The following CARF variants were observed in gnomAD, a reference collection of about 807,000 sequenced individuals.
CARF encodes calcium responsive transcription factor.
In CARF, 57 loss-of-function variants were observed where a neutral mutation model predicts 82.0. That is an observed-to-expected ratio of 0.70 (90% confidence interval 0.56 to 0.87). The LOEUF is 0.87. CARF is among the 40% of genes least tolerant of loss of function. CARF has a pLI of 0.00. For missense variants in CARF, 771 were observed against 855.8 expected, an observed-to-expected ratio of 0.90 and a Z score of 1.24; for synonymous variants, 268 against 290.1, an observed-to-expected ratio of 0.92 and a Z score of 0.77.
chr2:202,917,128 G>A (rs1689839147), intron 1 of CARF, among the ~76,000 whole-genome samples: 1 of 141,098 alleles, frequency 7.1e-6, no homozygotes, highest in South Asian at 2.5e-4. Context: ...GGAGAATGGC[G>A]TGAACCCGGG....
intron 10 of CARF, among the ~76,000 whole-genome samples, chr2:202,969,468 G>C (rs1023027637): frequency 6.6e-6 from 1 of 152,104 alleles, no homozygotes; most frequent in African/African-American, 2.4e-5. Context: ...CCAGCTACTT[G>C]AGAGGCTGAG....
rs1400776007 is a variant in CARF, at chr2:202,984,970, C to T, written c.*1346C>T. 2 of 151,598 alleles carry T rather than the reference C, an allele frequency of 1.3e-5. No homozygotes were observed. The highest frequency in any genetic ancestry group is 2.4e-5 in the African/African-American group (1 of 41,214). The allele number at this position is 151,598 out of a possible 1,614,324, so 9.4% of individuals were successfully genotyped here. A position where few individuals can be genotyped will look rare whatever the true frequency, so the allele number is the denominator to read the frequency against. On this transcript the variant is annotated 3_prime_UTR_variant, in exon 17 of 17. Transcript: ENST00000438828. ...ACTTGGGAGGCTAAGGCAGGAGAAT[C>T]GCTTGAACACCGGAGGCGGAGGTTG...
intron 1 of CARF, among the ~76,000 whole-genome samples, chr2:202,914,663 G>A (rs187206934): frequency 2.0e-5 from 3 of 151,612 alleles, no homozygotes; most frequent in East Asian, 1.9e-4. Flanking sequence ...CCTATAATCC[G>A]AGCTACTGGG....
rs553821229 is a variant in CARF, at chr2:202,977,196, G to T, written c.1495-73G>T. 1.1e-4 allele frequency: 115 copies of T among 1,087,542 alleles called. No individual in the cohort carries two copies. The African/African-American group carries it at 1.7e-3, about 16-fold the overall frequency. 67.4% of individuals were successfully genotyped at this position (1,087,542 alleles called of 1,614,324 possible). A position where few individuals can be genotyped will look rare whatever the true frequency, so the allele number is the denominator to read the frequency against. ...CACATACTGTGAATAAAATATGACA[G>T]TCGTAATGACGTCTTAAGATATTTT... On this transcript the variant is annotated intron_variant, in intron 13 of 16. Coordinates refer to ENST00000438828, the MANE Select transcript of CARF (RefSeq NM_024744.17).
intron 14 of CARF, among the ~76,000 whole-genome samples, chr2:202,977,600 C>G (rs2060086464): frequency 6.6e-6 from 1 of 152,156 alleles, no homozygotes; most frequent in African/African-American, 2.4e-5. Flanking sequence ...CTGGCTAATT[C>G]CAGTAGTAAT....
rs544781792 is a variant in CARF, at chr2:202,950,842, G to C, written c.307-1717G>C. 2.0e-5 allele frequency among the ~76,000 whole-genome samples: 3 copies of C among 152,260 alleles called. No homozygotes were observed. In the South Asian group the frequency reaches 6.2e-4, roughly 32 times the overall value. ...CATCAGTTTGCAGTTGCTGTTTCAT[G>C]CTAAAGTGATAAGAGTTATGGCAGG... is the stretch of plus-strand genomic sequence containing the variant. On this transcript the variant is annotated intron_variant, in intron 5 of 16. Coordinates refer to ENST00000438828, the MANE Select transcript of CARF (RefSeq NM_024744.17).
intron 2 of CARF, among the ~76,000 whole-genome samples, chr2:202,923,893 C>T (rs1691312508): frequency 1.3e-5 from 2 of 152,186 alleles, no homozygotes; most frequent in African/African-American, 4.8e-5. Flanking sequence ...CCCTATTCAA[C>T]AGATGGTGCT....
At chr2:202,965,807 T>C (rs2059523989) in intron 9 of CARF, among the ~76,000 whole-genome samples, 1 of 152,250 alleles carries the variant, frequency 6.6e-6, no homozygotes, top group Admixed American at 6.5e-5. Flanking sequence ...TCTTAAGTTA[T>C]ATAATTTTCA....
At chr2:202,948,413 A>G (rs896851033) in intron 5 of CARF, among the ~76,000 whole-genome samples, 8 of 152,118 alleles carry the variant, frequency 5.3e-5, no homozygotes, top group African/African-American at 1.9e-4. Context: ...GTTTGATAGG[A>G]ATAGCATTGA....
Position 202,986,615 on chromosome 2 carries a change from C to G in CARF, c.*2991C>G, listed in dbSNP as rs1039350446. 6.6e-6 allele frequency: 1 copy of G among 151,424 alleles called. No individual in the cohort carries two copies. Among genetic ancestry groups the G allele is most frequent in the African/African-American group, 2.4e-5 (1 of 41,258 alleles). 9.4% of individuals were successfully genotyped at this position (151,424 alleles called of 1,614,324 possible). A position where few individuals can be genotyped will look rare whatever the true frequency, so the allele number is the denominator to read the frequency against. On this transcript the variant is annotated 3_prime_UTR_variant, in exon 17 of 17. Coordinates refer to ENST00000438828, the MANE Select transcript of CARF (RefSeq NM_024744.17). ...CCTCAATAGTGATTTTTTGTACAAACAGTTAGTATAATTAAAAGGAAAAGC... is the reference window on the plus strand; with the variant it reads ...CCTCAATAGTGATTTTTTGTACAAAGAGTTAGTATAATTAAAAGGAAAAGC...
chr2:202,923,311 C>T lies in CARF; in HGVS notation c.-162-986C>T, dbSNP rs191165171. Among the ~76,000 whole-genome samples the T allele has an allele frequency of 2.3e-3, 347 of 152,230 alleles. 1 individual carries two copies. Among genetic ancestry groups the T allele is most frequent in the Non-Finnish European group, 4.7e-3 (317 of 68,014 alleles). On this transcript the variant is annotated intron_variant, in intron 2 of 16. Coordinates refer to ENST00000438828, the MANE Select transcript of CARF (RefSeq NM_024744.17). ...ATTAATGTACACAATTAATTTTGTGCGGTAGCTCTCCTGTACACCAACAGC... is the reference window on the plus strand; with the variant it reads ...ATTAATGTACACAATTAATTTTGTGTGGTAGCTCTCCTGTACACCAACAGC...
rs891873801 is a variant in CARF at position 202,983,492 on chromosome 2, G to T, written c.2060-14G>T. On this transcript the variant is annotated splice_polypyrimidine_tract_variant and intron_variant, in intron 16 of 16. Coordinates refer to ENST00000438828, the MANE Select transcript of CARF (RefSeq NM_024744.17). ...ATAGATTAACTTTTAGGATTTTTCT[G>T]TTTGTTTTTAAAGTTGAAGAAAATC... The T allele has an allele frequency of 6.7e-7, 1 of 1,489,588 alleles. No homozygotes were observed. The highest frequency in any genetic ancestry group is 1.2e-5 in the South Asian group (1 of 83,420). 92.3% of individuals were successfully genotyped at this position (1,489,588 alleles called of 1,614,324 possible).
chr2:202,969,064 C>A (rs939390588), intron 10 of CARF, among the ~76,000 whole-genome samples: 1 of 151,938 alleles, frequency 6.6e-6, no homozygotes, highest in Non-Finnish European at 1.5e-5. Flanking sequence ...CTGTGGTGGG[C>A]GGATCACTTG....
chr2:202,975,618 A>G (rs1441450113), intron 13 of CARF, among the ~76,000 whole-genome samples: 3 of 151,808 alleles, frequency 2.0e-5, no homozygotes, highest in Non-Finnish European at 4.4e-5. Context: ...CAACAACAAA[A>G]AACCACTAAT....
intron 3 of CARF, among the ~76,000 whole-genome samples, chr2:202,926,180 T>A (rs1368286111): frequency 6.6e-6 from 1 of 152,112 alleles, no homozygotes; most frequent in Non-Finnish European, 1.5e-5. Context: ...CAGGGAAGCA[T>A]AGGGAACAGG....
chr2:202,915,449 A>G (rs1689459651), intron 1 of CARF, among the ~76,000 whole-genome samples: 1 of 150,780 alleles, frequency 6.6e-6, no homozygotes, highest in African/African-American at 2.4e-5. Context: ...TCCTGCCACC[A>G]CTCCCAGCTG....
intron 12 of CARF, among the ~76,000 whole-genome samples, chr2:202,974,067 G>T (rs766476204): frequency 6.6e-6 from 1 of 152,154 alleles, no homozygotes; most frequent in Non-Finnish European, 1.5e-5. Context: ...CAGCCTGGGC[G>T]ACAGAGCGAG....
At position 202,971,654 on chromosome 2, in the gene CARF, G is replaced by T; in HGVS notation, c.1247G>T (p.Arg416Leu). Residue 416 changes from arginine (R) to leucine (L), a missense_variant, in exon 12 of 17, where the codon CGT becomes CTT. By Grantham distance (102) the Arg-to-Leu change is moderately radical. Transcript: ENST00000438828. ...GATGAGAATTGTGCATTACCCTCACGTTTACATCCTCAAGTAGCACATAAG... is the reference window on the plus strand; with the variant it reads ...GATGAGAATTGTGCATTACCCTCACTTTTACATCCTCAAGTAGCACATAAG... ...VRDENCALPSRLHPQVAHKIQ... is the reference protein window; with the variant it reads ...VRDENCALPSLLHPQVAHKIQ... 1 of 1,613,574 alleles carries T rather than the reference G, an allele frequency of 6.2e-7. No homozygotes were observed. Among genetic ancestry groups the T allele is most frequent in the Middle Eastern group, 1.7e-4 (1 of 6,052 alleles).
At chr2:202,922,841 C>T (rs1691085908) in intron 2 of CARF, among the ~76,000 whole-genome samples, 1 of 151,700 alleles carries the variant, frequency 6.6e-6, no homozygotes, top group South Asian at 2.1e-4. Context: ...AAGAGCATCC[C>T]AGTTGGTAAA....
Sources: gnomAD v4.1 joint callset for allele counts (sites outside exome capture counted in the v4.1 genomes callset) on GRCh38, gnomAD v4.1.1 for gene constraint, MANE v1.5 for transcripts, NCBI Gene and HGNC (gene_info 2026-07-23, HGNC 2026-07-21) for gene names.